ATL2: variants seen among roughly 807,000 people sequenced by gnomAD.
ATL2 encodes the protein atlastin-2.
In ATL2, 31 loss-of-function variants were observed where a neutral mutation model predicts 73.9. The ratio of observed to expected loss-of-function variants is 0.42; its 90% confidence interval spans 0.32 to 0.57. The LOEUF is 0.57. Among genes scored for constraint, ATL2 ranks in the 20% least tolerant of loss-of-function variants. ATL2 has a pLI of 0.14. For missense variants in ATL2, 738 were observed against 702.6 expected, an observed-to-expected ratio of 1.05 and a Z score of -0.57; for synonymous variants, 291 against 237.5, an observed-to-expected ratio of 1.23 and a Z score of -2.07.
chr2:38,307,021 T>A (rs1248677196), intron 9 of ATL2, among the ~76,000 whole-genome samples: 1 of 152,050 alleles, frequency 6.6e-6, no homozygotes, highest in Non-Finnish European at 1.5e-5. Flanking sequence ...TCAAAATGGA[T>A]TAAAGACTTA....
chr2:38,333,663 G>A (rs1415372544), intron 2 of ATL2, among the ~76,000 whole-genome samples: 1 of 152,122 alleles, frequency 6.6e-6, no homozygotes, highest in Non-Finnish European at 1.5e-5. Context: ...TGATGATAGG[G>A]GTGCCATAAT....
chr2:38,346,786 G>A (rs1046039077), intron 1 of ATL2, among the ~76,000 whole-genome samples: 13 of 152,142 alleles, frequency 8.5e-5, no homozygotes, highest in South Asian at 2.1e-4. Context: ...ACAGGCCACG[G>A]ACGAGTACCA....
intron 2 of ATL2, among the ~76,000 whole-genome samples, chr2:38,340,535 A>C (rs1201221533): frequency 6.6e-6 from 1 of 152,104 alleles, no homozygotes; most frequent in Non-Finnish European, 1.5e-5. Context: ...TCCTCTTATA[A>C]AACTACTCAC....
chr2:38,330,024 G>C (rs1668892299), intron 2 of ATL2, among the ~76,000 whole-genome samples: 1 of 152,028 alleles, frequency 6.6e-6, no homozygotes, highest in Admixed American at 6.6e-5. Flanking sequence ...AGCTACTGTG[G>C]AGGCTGAGGC....
upstream of ATL2, among the ~76,000 whole-genome samples, chr2:38,377,963 C>A (rs2124520252): frequency 6.6e-6 from 1 of 152,332 alleles, no homozygotes; most frequent in Non-Finnish European, 1.5e-5. Flanking sequence ...CTCCTAGCAC[C>A]TTGCAGAGGC....
chr2:38,349,159 C>A (rs1237960865), intron 1 of ATL2, among the ~76,000 whole-genome samples: 65 of 152,174 alleles, frequency 4.3e-4, no homozygotes, highest in African/African-American at 1.5e-3. Flanking sequence ...TTGACCCAGT[C>A]ATCCCATTAC....
intron 7 of ATL2, among the ~76,000 whole-genome samples, chr2:38,310,663 G>A (rs907900636): frequency 3.0e-5 from 4 of 131,632 alleles, no homozygotes; most frequent in Non-Finnish European, 6.2e-5. Context: ...TAAAGACAGA[G>A]TTTCGCTCTT....
chr2:38,305,896 CCCAA>C (rs1220823173), intron 9 of ATL2, among the ~76,000 whole-genome samples: 2 of 151,428 alleles, frequency 1.3e-5, no homozygotes, highest in African/African-American at 4.9e-5. Flanking sequence ...GCAAACTAAA[CCCAA>C]AATTAGAAGA....
At chr2:38,365,660 G>A (rs557141924) in intron 1 of ATL2, among the ~76,000 whole-genome samples, 5 of 145,552 alleles carry the variant, frequency 3.4e-5, no homozygotes, top group East Asian at 1.9e-4. Context: ...GCGTGAGGGC[G>A]GGTACCTGTA....
intron 2 of ATL2, among the ~76,000 whole-genome samples, chr2:38,336,642 T>C (rs1669371838): frequency 6.6e-6 from 1 of 152,226 alleles, no homozygotes; most frequent in Admixed American, 6.5e-5. Flanking sequence ...AACATAATTT[T>C]ACATAATAGT....
chr2:38,327,061 G>GAA (rs200130107), intron 2 of ATL2, among the ~76,000 whole-genome samples: 1 of 149,124 alleles, frequency 6.7e-6, no homozygotes, highest in Non-Finnish European at 1.5e-5. Flanking sequence ...CTGGAAAAAA[G>GAA]AAAAAAAAAC....
chr2:38,314,721 G>T, intron 5 of ATL2, 57 bp from the exon 6 acceptor site: 1 of 1,146,196 alleles, frequency 8.7e-7, no homozygotes, highest in Non-Finnish European at 1.3e-6. Flanking sequence ...GAAGACATGT[G>T]TAAACCTGTT....
intron 7 of ATL2, among the ~76,000 whole-genome samples, chr2:38,310,972 G>C (rs960719252): frequency 6.6e-6 from 1 of 152,038 alleles, no homozygotes; most frequent in African/African-American, 2.4e-5. Context: ...TCCCAAGTAA[G>C]CTGCCTGGAA....
chr2:38,357,591 G>C (rs1670746749), intron 1 of ATL2, among the ~76,000 whole-genome samples: 1 of 142,224 alleles, frequency 7.0e-6, no homozygotes, highest in African/African-American at 2.7e-5. Flanking sequence ...GGCGGAGCTT[G>C]CAGTGAGCCA....
At chr2:38,313,618 T>A (rs973866559) in intron 6 of ATL2, among the ~76,000 whole-genome samples, 1 of 152,206 alleles carries the variant, frequency 6.6e-6, no homozygotes, top group Non-Finnish European at 1.5e-5. Flanking sequence ...ATTATAGATC[T>A]GGGGTCAATA....
intron 1 of ATL2, among the ~76,000 whole-genome samples, chr2:38,357,763 T>C (rs906937571): frequency 2.0e-5 from 3 of 151,734 alleles, no homozygotes; most frequent in Non-Finnish European, 4.4e-5. Context: ...ATATACACCC[T>C]AGAATATATA....
rs564792078 is a variant in ATL2 at position 38,308,637 on chromosome 2, G to A, written c.1071+742C>T. On this transcript the variant is annotated intron_variant, in intron 9 of 12. Transcript: ENST00000378954. The stretch of plus-strand genomic sequence containing the variant: ...TCTGTAACATAAGGAAGGGATACAG[G>A]CTTGAGGTGATGGACACCCTATTTA... 3.9e-5 allele frequency among the ~76,000 whole-genome samples: 6 copies of A among 152,044 alleles called. No homozygotes were observed. The South Asian group carries it at 6.2e-4, about 16-fold the overall frequency.
intron 1 of ATL2, among the ~76,000 whole-genome samples, chr2:38,371,535 A>C (rs1045004218): frequency 1.3e-5 from 2 of 151,928 alleles, no homozygotes; most frequent in Non-Finnish European, 2.9e-5. Context: ...TTTTTAAAAA[A>C]ATTACTGTAA....
chr2:38,337,761 T>A (rs181649153), intron 2 of ATL2, among the ~76,000 whole-genome samples: 1 of 152,138 alleles, frequency 6.6e-6, no homozygotes, highest in Non-Finnish European at 1.5e-5. Flanking sequence ...TATATGGGCA[T>A]TTATTATATT....
Sources: gnomAD v4.1 joint callset for allele counts (sites outside exome capture counted in the v4.1 genomes callset) on GRCh38, gnomAD v4.1.1 for gene constraint, MANE v1.5 for transcripts, NCBI Gene and HGNC (gene_info 2026-07-23, HGNC 2026-07-21) for gene names.